The following GIT1 variants were observed in gnomAD, a reference collection of about 807,000 sequenced individuals.
The protein encoded by GIT1 is ARF GTPase-activating protein GIT1.
In GIT1, 14 loss-of-function variants were observed where a neutral mutation model predicts 91.7. The observed-to-expected ratio is 0.15, with a 90% CI of 0.10 to 0.24. The LOEUF is 0.24. Ranked by LOEUF, GIT1 falls within the 10% of genes least tolerant of loss-of-function variation. The pLI is 1.00. For synonymous variants in GIT1, 414 were observed against 418.2 expected (o/e 0.99, Z 0.12); for missense variants, 717 against 1,024.9 (o/e 0.70, Z 4.10).
At chr17:29,583,082 A>G in intron 2 of GIT1, 45 bp from the exon 3 acceptor site, 1 of 1,267,000 alleles carries the variant, frequency 7.9e-7, no homozygotes, top group African/African-American at 1.5e-5. Flanking sequence ...ACTGCGTGCT[A>G]AGCAATGGGG....
rs114175327 is a variant in GIT1 at position 29,584,449 on chromosome 17, A to C, written c.53-833T>G. Among the ~76,000 whole-genome samples the C allele has an allele frequency of 3.2e-3, 493 of 152,318 alleles. 2 individuals carry two copies. Among genetic ancestry groups the C allele is most frequent in the African/African-American group, 0.011 (477 of 41,576 alleles). On this transcript the variant is annotated intron_variant, in intron 1 of 19. Coordinates refer to ENST00000225394, the MANE Select transcript of GIT1 (RefSeq NM_014030.4). ...TTGGGAAAAGTGAACTTGGGAGAAG[A>C]AGCAGGGCCAGGACTGGGTGGGAGT...
At position 29,574,648 on chromosome 17, in the gene GIT1, A is replaced by G; in HGVS notation, c.*54T>C. The G allele has an allele frequency of 7.2e-7, 1 of 1,385,504 alleles. No individual in the cohort carries two copies. The highest frequency in any genetic ancestry group is 1.0e-6 in the Non-Finnish European group (1 of 975,768). The allele number at this position is 1,385,504 out of a possible 1,614,324, so 85.8% of individuals were successfully genotyped here. On this transcript the variant is annotated 3_prime_UTR_variant, in exon 20 of 20. Transcript: ENST00000225394. The stretch of plus-strand genomic sequence containing the variant: ...TGGGGATTAATGTCTGGAGTGGCCC[A>G]GCTCCTATGGCCAGTGAGGTCCTAG...
chr17:29,577,588 A>G, intron 10 of GIT1, 57 bp downstream of exon 10: 1 of 1,126,672 alleles, frequency 8.9e-7, no homozygotes, highest in Non-Finnish European at 1.4e-6. Context: ...CTGCCGGATG[A>G]GGAGGGACCG....
intron 9 of GIT1, 126 bp from the exon 10 acceptor site, chr17:29,577,868 G>A (rs1406710376): frequency 1.5e-6 from 1 of 667,002 alleles, no homozygotes; most frequent in East Asian, 2.7e-5. Flanking sequence ...TCAGAACAGG[G>A]GTGGTCTTTG....
rs765958689 is a variant in GIT1 at position 29,577,745 on chromosome 17, G to A, written c.884-3C>T. On this transcript the variant is annotated splice_region_variant and splice_polypyrimidine_tract_variant and intron_variant, in intron 9 of 19. Transcript: ENST00000225394. ...GTGGTTTTGGGTAGCCAGCCACACT[G>A]TAGGGGACGGACAGGAGCAGATCAG... 19 of 1,586,986 alleles carry A rather than the reference G, an allele frequency of 1.2e-5. No individual in the cohort carries two copies. Among genetic ancestry groups the A allele is most frequent in the East Asian group, 2.2e-5 (1 of 44,746 alleles).
rs563422010 is a variant in GIT1 at position 29,576,911 on chromosome 17, G to C, written c.1179C>G (p.Asp393Glu). The C allele has an allele frequency of 6.0e-5, 95 of 1,581,280 alleles. 1 individual carries two copies. The South Asian group carries it at 1.1e-3, about 18-fold the overall frequency. ...YDSVASDEDTDQEPLRSTGAT... is the reference protein window; with the variant it reads ...YDSVASDEDTEQEPLRSTGAT... Reference sequence around the variant, plus strand: ...CGCCGGTGCTGCGCAGGGGCTCCTGGTCTGTGTCCTCGTCAGAGGCCACGC... The same window carrying C: ...CGCCGGTGCTGCGCAGGGGCTCCTGCTCTGTGTCCTCGTCAGAGGCCACGC... The change falls in exon 12 of 20, where the codon GAC becomes GAG. Residue 393 changes from aspartate (D) to glutamate (E), a missense_variant. Coordinates refer to ENST00000225394, the MANE Select transcript of GIT1 (RefSeq NM_014030.4).
intron 1 of GIT1, among the ~76,000 whole-genome samples, chr17:29,585,682 G>A (rs760647274): frequency 6.6e-5 from 10 of 152,112 alleles, no homozygotes; most frequent in Admixed American, 2.6e-4. Flanking sequence ...CAGATGGGAC[G>A]CCCACCCTAA....
intron 9 of GIT1, 59 bp downstream of exon 9, chr17:29,578,240 A>G: frequency 7.4e-7 from 1 of 1,351,606 alleles, no homozygotes; most frequent in Admixed American, 1.7e-5. Flanking sequence ...AAAGGACCAG[A>G]GACCCATGCC....
In GIT1 at chr17:29,575,802, G is replaced by A; in HGVS notation, c.1752+10C>T. ...AGCCACCCTGTGGGCACTGGGCATG[G>A]AAACATTACCGTGTGGCGGCTTCCC... On this transcript the variant is annotated intron_variant, in intron 16 of 19. Transcript: ENST00000225394. The surrounding 1 kb of genome is among the most constrained non-coding windows in gnomAD (Gnocchi z 5.5). The A allele has an allele frequency of 6.2e-7, 1 of 1,613,198 alleles. No individual in the cohort carries two copies. Among genetic ancestry groups the A allele is most frequent in the Non-Finnish European group, 8.5e-7 (1 of 1,179,458 alleles).
intron 1 of GIT1, 164 bp from the exon 2 acceptor site, chr17:29,583,780 G>A (rs893338676): frequency 1.4e-6 from 1 of 733,356 alleles, no homozygotes; most frequent in Non-Finnish European, 2.2e-6. Context: ...TACCAGTGAG[G>A]GATCTCCCCA....
rs1443820451 is a variant in GIT1, at chr17:29,574,413, G to A, written c.*289C>T. 2.2e-6 allele frequency: 1 copy of A among 446,614 alleles called. No homozygotes were observed. The highest frequency in any genetic ancestry group is 2.6e-5 in the South Asian group (1 of 37,838). The allele number at this position is 446,614 out of a possible 1,614,324, so 27.7% of individuals were successfully genotyped here. A position where few individuals can be genotyped will look rare whatever the true frequency, so the allele number is the denominator to read the frequency against. On this transcript the variant is annotated 3_prime_UTR_variant, in exon 20 of 20. Transcript: ENST00000225394. ...TTGCTGAGGGTGCCCTAGAAGGCGA[G>A]GGGCTGGGAGTGATGCCTTGCAGGC...
intron 1 of GIT1, 183 bp from the exon 2 acceptor site, chr17:29,583,799 C>T: frequency 1.6e-6 from 1 of 641,376 alleles, no homozygotes; most frequent in Non-Finnish European, 2.6e-6. Flanking sequence ...CAAGAGCTCA[C>T]AGCTGGGGGC....
chr17:29,583,292 G>C (rs545024756), intron 2 of GIT1, among the ~76,000 whole-genome samples, 191 bp downstream of exon 2: 1 of 152,318 alleles, frequency 6.6e-6, no homozygotes, highest in South Asian at 2.1e-4. Context: ...GAGCAGGGGT[G>C]TGAGCTACTC....
Position 29,583,011 on chromosome 17 carries a change from C to G in GIT1, c.213G>C (p.Gly71=). 1 of 1,611,276 alleles carries G rather than the reference C, an allele frequency of 6.2e-7. No individual in the cohort carries two copies. Among genetic ancestry groups the G allele is most frequent in the Non-Finnish European group, 8.5e-7 (1 of 1,179,516 alleles). The change falls in exon 3 of 20, where the codon GGG becomes GGC. Residue 71 remains glycine, a synonymous_variant. Coordinates refer to ENST00000225394, the MANE Select transcript of GIT1 (RefSeq NM_014030.4). ...GGGAGTGCTCCCAGATGGAGTTGGC[C>G]CCGTTGCTGGCAAGCGTGTGCACCA... The part of the protein sequence containing the change: ...LQMVHTLASN[G]ANSIWEHSLL...
Position 29,589,266 on chromosome 17 carries a change from C to A in GIT1, c.52+61G>T. 2.7e-6 allele frequency: 2 copies of A among 741,796 alleles called. No homozygotes were observed. Among genetic ancestry groups the A allele is most frequent in the Non-Finnish European group, 3.3e-6 (2 of 605,076 alleles). 46.0% of individuals were successfully genotyped at this position (741,796 alleles called of 1,614,324 possible). A position where few individuals can be genotyped will look rare whatever the true frequency, so the allele number is the denominator to read the frequency against. ...CCCCGCACAGCGCTCTTGCCAGGCC[C>A]CGGCGCCCGCCCGGCGGCGGCCTGG... On this transcript the variant is annotated intron_variant, in intron 1 of 19. Transcript: ENST00000225394. This position sits in a 1 kb window ranked among gnomAD's most constrained non-coding sequence, Gnocchi z 5.2.
In GIT1 at chr17:29,575,560, A is replaced by G. The variant is rs1247895090; in HGVS notation, c.1826+70T>C. Reference sequence around the variant, plus strand: ...GAGCCGCCCGCCTTGGTCCTCACACACTGGGGGCCCTCTCAACCTCCCCGC... The same window carrying G: ...GAGCCGCCCGCCTTGGTCCTCACACGCTGGGGGCCCTCTCAACCTCCCCGC... On this transcript the variant is annotated intron_variant, in intron 17 of 19. Coordinates refer to ENST00000225394, the MANE Select transcript of GIT1 (RefSeq NM_014030.4). The surrounding 1 kb of genome is among the most constrained non-coding windows in gnomAD (Gnocchi z 5.5). 3.8e-6 allele frequency: 6 copies of G among 1,563,088 alleles called. No individual in the cohort carries two copies. Among genetic ancestry groups the G allele is most frequent in the East Asian group, 2.3e-5 (1 of 44,382 alleles).
At chr17:29,585,898 G>A (rs1000870808) in intron 1 of GIT1, among the ~76,000 whole-genome samples, 2 of 152,132 alleles carry the variant, frequency 1.3e-5, no homozygotes, top group East Asian at 1.9e-4. Flanking sequence ...GGTAGCAGGC[G>A]TGATCCTGGG....
At chr17:29,579,042 C>T (rs905586139) in intron 7 of GIT1, 7 of 1,556,604 alleles carry the variant, frequency 4.5e-6, no homozygotes, top group Non-Finnish European at 6.2e-6. Context: ...CGGCAGTTAC[C>T]CAGGAGCAGG....
At chr17:29,584,655 C>T (rs767575243) in intron 1 of GIT1, among the ~76,000 whole-genome samples, 2 of 152,218 alleles carry the variant, frequency 1.3e-5, no homozygotes, top group Non-Finnish European at 2.9e-5. Context: ...CGGCCCCCAC[C>T]CTGTCTCAGG....
Sources: allele counts gnomAD v4.1 joint callset (sites outside exome capture counted in the v4.1 genomes callset), GRCh38; gene constraint gnomAD v4.1.1; non-coding constraint Gnocchi (gnomAD v3.1); transcripts MANE v1.5; gene names NCBI Gene and HGNC (gene_info 2026-07-23, HGNC 2026-07-21).